Variants in SNAP91 observed in about 807,000 individuals in gnomAD.
SNAP91 encodes synaptosome associated protein 91, also known as clathrin coat assembly protein AP180.
In SNAP91, 27 loss-of-function variants were observed where a neutral mutation model predicts 100.3. The observed-to-expected ratio is 0.27, with a 90% CI of 0.20 to 0.37. The LOEUF is 0.37. SNAP91 is among the 10% of genes least tolerant of loss of function. SNAP91 has a pLI of 1.00. For missense variants in SNAP91, 986 were observed against 1,123.7 expected, an observed-to-expected ratio of 0.88 and a Z score of 1.75; for synonymous variants, 404 against 398.6, an observed-to-expected ratio of 1.01 and a Z score of -0.16.
intron 28 of SNAP91, among the ~76,000 whole-genome samples, chr6:83,558,155 A>G (rs1018133274): frequency 6.6e-6 from 1 of 152,242 alleles, no homozygotes; most frequent in Non-Finnish European, 1.5e-5. Flanking sequence ...AATTATATTT[A>G]TTTATTTCTG....
At chr6:83,568,479 A>T (rs993578852) in intron 26 of SNAP91, among the ~76,000 whole-genome samples, 4 of 15,002 alleles carry the variant, frequency 2.7e-4, no homozygotes, top group Admixed American at 2.3e-3. Context: ...ATTAAAGTAT[A>T]ATAATAATAA....
chr6:83,707,731 G>T, intron 2 of SNAP91, 67 bp downstream of exon 2: 1 of 1,589,786 alleles, frequency 6.3e-7, no homozygotes. Context: ...AAGAGCGCAG[G>T]CCGCACCACC....
At chr6:83,675,018 C>T (rs528260168) in intron 2 of SNAP91, among the ~76,000 whole-genome samples, 11 of 152,000 alleles carry the variant, frequency 7.2e-5, no homozygotes, top group Non-Finnish European at 1.3e-4. Context: ...GACCTACTGA[C>T]GGTTTAGGTG....
rs544099740 is a variant in SNAP91, at chr6:83,561,041, G to A, written c.2443-94C>T. 437 of 836,424 alleles carry A rather than the reference G, an allele frequency of 5.2e-4. 4 individuals are homozygous for A. In the East Asian group the frequency reaches 0.013, roughly 25 times the overall value. 51.8% of individuals were successfully genotyped at this position (836,424 alleles called of 1,614,324 possible). A position where few individuals can be genotyped will look rare whatever the true frequency, so the allele number is the denominator to read the frequency against. On this transcript the variant is annotated intron_variant, in intron 26 of 29. Coordinates refer to ENST00000369694, the MANE Select transcript of SNAP91 (RefSeq NM_001242792.2). ...CAAACAAAAAGAACAATATAATTTG[G>A]TATTTATTTATTTATTTTAAAGATG...
chr6:83,605,184 A>G (rs1583362389), intron 14 of SNAP91, among the ~76,000 whole-genome samples: 1 of 152,142 alleles, frequency 6.6e-6, no homozygotes, highest in South Asian at 2.1e-4. Flanking sequence ...TTTTTCTGGT[A>G]CAAATAAGAA....
intron 8 of SNAP91, among the ~76,000 whole-genome samples, chr6:83,624,458 A>T (rs2128422938): frequency 6.6e-6 from 1 of 152,282 alleles, no homozygotes; most frequent in African/African-American, 2.4e-5. Flanking sequence ...TAAACACATG[A>T]AGCAAAAGTG....
At chr6:83,605,204 A>G (rs2095534242) in intron 14 of SNAP91, among the ~76,000 whole-genome samples, 2 of 152,144 alleles carry the variant, frequency 1.3e-5, no homozygotes. Flanking sequence ...ATCTGTAAAA[A>G]GATTTCAACT....
intron 6 of SNAP91, among the ~76,000 whole-genome samples, chr6:83,657,834 T>C (rs1299518484): frequency 6.6e-6 from 1 of 151,328 alleles, no homozygotes; most frequent in Non-Finnish European, 1.5e-5. Context: ...TGGCATGATC[T>C]CAGCTCACTG....
chr6:83,575,950 TA>T, intron 25 of SNAP91, 72 bp downstream of exon 25: 1 of 786,838 alleles, frequency 1.3e-6, no homozygotes. Flanking sequence ...CTCCAATGAG[TA>T]AAATGGTTGA....
intron 21 of SNAP91, among the ~76,000 whole-genome samples, chr6:83,591,980 A>T (rs566635658): frequency 3.3e-5 from 5 of 152,244 alleles, no homozygotes; most frequent in Non-Finnish European, 7.3e-5. Context: ...CTTTGTAAGG[A>T]TAGCAAAACA....
intron 2 of SNAP91, among the ~76,000 whole-genome samples, chr6:83,675,827 A>AAC (rs373927158): frequency 0.019 from 2,687 of 138,270 alleles, 41 homozygotes; most frequent in African/African-American, 0.028. Flanking sequence ...CACTTGAAGG[A>AAC]ACACACACAC....
rs1221257219 is a variant in SNAP91 at position 83,665,502 on chromosome 6, A to G, written c.210T>C (p.Ser70=). The G allele has an allele frequency of 6.2e-7, 1 of 1,613,042 alleles. No homozygotes were observed. Among genetic ancestry groups the G allele is most frequent in the East Asian group, 2.2e-5 (1 of 44,842 alleles). Residue 70 remains serine (S), a synonymous_variant, in exon 3 of 30, where the codon AGT becomes AGC. Transcript: ENST00000369694. ...ADTLFERATN[S]SWVVVFKALV... is the part of the protein sequence containing the mutation. The stretch of plus-strand genomic sequence containing the variant: ...AAGCCTTAAACACAACCACCCAGCT[A>G]CTGTTTGTTGCCCGCTCAAAGAGAG...
At chr6:83,628,771 C>G (rs911185696) in intron 8 of SNAP91, among the ~76,000 whole-genome samples, 5 of 151,850 alleles carry the variant, frequency 3.3e-5, no homozygotes, top group Non-Finnish European at 7.4e-5. Context: ...AGTCCTTTAT[C>G]AGATGTATAG....
chr6:83,628,228 T>C (rs963094557), intron 8 of SNAP91, among the ~76,000 whole-genome samples: 1 of 143,634 alleles, frequency 7.0e-6, no homozygotes, highest in South Asian at 2.2e-4. Context: ...TTTACATATA[T>C]ATATATATAT....
intron 9 of SNAP91, among the ~76,000 whole-genome samples, chr6:83,617,459 A>T (rs1242904111): frequency 1.3e-5 from 2 of 151,962 alleles, no homozygotes; most frequent in East Asian, 3.8e-4. Flanking sequence ...GTAAAATCTC[A>T]CTTATCTATG....
At chr6:83,650,556 T>A (rs217315) in intron 7 of SNAP91, among the ~76,000 whole-genome samples, 73,928 of 151,654 alleles carry the variant, frequency 0.49, 18,560 homozygotes, top group African/African-American at 0.62. Context: ...TAGCTGGGAT[T>A]ACAGGTGCCC....
At chr6:83,603,351 A>C (rs2095403937) in intron 14 of SNAP91, among the ~76,000 whole-genome samples, 1 of 151,962 alleles carries the variant, frequency 6.6e-6, no homozygotes, top group South Asian at 2.1e-4. Context: ...AACAAGCCCC[A>C]TTTTGTCAGA....
In SNAP91 at chr6:83,688,572, C is replaced by T. The variant is rs183971613; in HGVS notation, c.130+19226G>A. Among the ~76,000 whole-genome samples, 990 of 148,748 alleles carry T rather than the reference C, an allele frequency of 6.7e-3. 3 individuals are homozygous for T. Among genetic ancestry groups the T allele is most frequent in the African/African-American group, 0.023 (915 of 39,714 alleles). On this transcript the variant is annotated intron_variant, in intron 2 of 29. Coordinates refer to ENST00000369694, the MANE Select transcript of SNAP91 (RefSeq NM_001242792.2). Reference sequence around the variant, plus strand: ...AGGCTGGAGTGCAGTGGTGCAGTCTCGGCTCACTGCAGCCGCCACATCCCA... The same window carrying T: ...AGGCTGGAGTGCAGTGGTGCAGTCTTGGCTCACTGCAGCCGCCACATCCCA...
At chr6:83,596,876 T>C (rs2094535329) in intron 16 of SNAP91, among the ~76,000 whole-genome samples, 1 of 152,232 alleles carries the variant, frequency 6.6e-6, no homozygotes, top group South Asian at 2.1e-4. Context: ...CTGCATTTTT[T>C]ATGAAATATG....
Sources: allele counts gnomAD v4.1 joint callset (sites outside exome capture counted in the v4.1 genomes callset), GRCh38; gene constraint gnomAD v4.1.1; transcripts MANE v1.5; gene names NCBI Gene and HGNC (gene_info 2026-07-23, HGNC 2026-07-21).